Variants in LDB2 observed in about 807,000 individuals in gnomAD.
The protein encoded by LDB2 is LIM domain binding 2.
A neutral mutation model predicts 44.3 loss-of-function variants in LDB2; 12 were observed. The observed-to-expected ratio is 0.27, with a 90% CI of 0.17 to 0.44. LDB2 has a LOEUF of 0.44. Among genes scored for constraint, LDB2 ranks in the 20% least tolerant of loss-of-function variants. The pLI, the probability that LDB2 is intolerant of heterozygous loss-of-function variation, is 1.00. For missense variants in LDB2, 344 were observed against 473.5 expected (o/e 0.73, Z 2.54); for synonymous variants, 164 against 174.8 (o/e 0.94, Z 0.49).
chr4:16,669,186 G>A (rs910346698), intron 2 of LDB2, among the ~76,000 whole-genome samples: 8 of 152,214 alleles, frequency 5.3e-5, no homozygotes, highest in Non-Finnish European at 5.9e-5. Context: ...ATGTGGAACT[G>A]AAGGTCAGAA....
intron 1 of LDB2, among the ~76,000 whole-genome samples, chr4:16,820,855 T>C (rs1781821226): frequency 6.6e-6 from 1 of 152,216 alleles, no homozygotes; most frequent in Non-Finnish European, 1.5e-5. Flanking sequence ...AAAGTCACTT[T>C]AGGACAAAGA....
chr4:16,714,769 C>G (rs747232679), intron 2 of LDB2, among the ~76,000 whole-genome samples: 1 of 151,972 alleles, frequency 6.6e-6, no homozygotes, highest in Non-Finnish European at 1.5e-5. Context: ...TGCTGGTAAC[C>G]CTTGGAGTTC....
At chr4:16,641,222 A>G (rs1280060719) in intron 2 of LDB2, among the ~76,000 whole-genome samples, 1 of 152,184 alleles carries the variant, frequency 6.6e-6, no homozygotes. Context: ...TTATTTCAGG[A>G]GACGGCAGGT....
chr4:16,513,119 C>T (rs1268889005), intron 5 of LDB2, among the ~76,000 whole-genome samples: 1 of 152,012 alleles, frequency 6.6e-6, no homozygotes, highest in African/African-American at 2.4e-5. Context: ...CCTTATTAGC[C>T]CCTCCTCTTA....
At chr4:16,738,387 G>A (rs898151197) in intron 2 of LDB2, among the ~76,000 whole-genome samples, 2 of 152,186 alleles carry the variant, frequency 1.3e-5, no homozygotes, top group African/African-American at 2.4e-5. Context: ...AGAGAAACAG[G>A]AAGAGGAGGA....
chr4:16,803,294 T>C (rs1380245019), intron 1 of LDB2, among the ~76,000 whole-genome samples: 2 of 152,146 alleles, frequency 1.3e-5, no homozygotes, highest in Non-Finnish European at 2.9e-5. Context: ...AAGTCATCAG[T>C]TTTTGGGGAA....
chr4:16,807,384 G>A (rs951563051), intron 1 of LDB2, among the ~76,000 whole-genome samples: 21 of 152,246 alleles, frequency 1.4e-4, no homozygotes, highest in Middle Eastern at 3.4e-3. Context: ...GCTAAAAATA[G>A]CCTATAAACA....
chr4:16,552,041 G>A lies in LDB2; in HGVS notation c.615+33881C>T, dbSNP rs374084099. Among the ~76,000 whole-genome samples the A allele has an allele frequency of 3.3e-5, 5 of 151,940 alleles. No individual in the cohort carries two copies. In the East Asian group the frequency reaches 9.7e-4, roughly 29 times the overall value. On this transcript the variant is annotated intron_variant, in intron 5 of 7. Transcript: ENST00000304523. ...ATTTGCTGAGCCTCTACTATTTGTA[G>A]GCTGTCTTCTAGGTCCCGGGGGTAG...
chr4:16,849,967 C>G (rs918326852), intron 1 of LDB2, among the ~76,000 whole-genome samples: 1 of 152,112 alleles, frequency 6.6e-6, no homozygotes, highest in Non-Finnish European at 1.5e-5. Flanking sequence ...TTTAACAATC[C>G]CCAGGAAGGT....
At chr4:16,681,132 C>A (rs772756917) in intron 2 of LDB2, among the ~76,000 whole-genome samples, 2 of 152,068 alleles carry the variant, frequency 1.3e-5, no homozygotes, top group Non-Finnish European at 2.9e-5. Context: ...TTAAAGTGAC[C>A]AATTACATGA....
intron 2 of LDB2, among the ~76,000 whole-genome samples, chr4:16,664,221 G>T (rs1490412126): frequency 2.0e-5 from 3 of 152,180 alleles, no homozygotes; most frequent in Non-Finnish European, 2.9e-5. Flanking sequence ...TCACAAAGCT[G>T]CATTGCCTCT....
chr4:16,891,381 C>T (rs375411633), intron 1 of LDB2, among the ~76,000 whole-genome samples: 2 of 136,836 alleles, frequency 1.5e-5, no homozygotes, highest in African/African-American at 2.8e-5. Context: ...GGGACAATCT[C>T]GGCTCACTGC....
At chr4:16,689,201 A>G (rs1320883160) in intron 2 of LDB2, among the ~76,000 whole-genome samples, 1 of 152,218 alleles carries the variant, frequency 6.6e-6, no homozygotes, top group African/African-American at 2.4e-5. Flanking sequence ...CACCGAGGGT[A>G]CAAAGCTGAT....
chr4:16,774,456 T>G (rs940502293), intron 1 of LDB2, among the ~76,000 whole-genome samples: 1 of 152,236 alleles, frequency 6.6e-6, no homozygotes, highest in Non-Finnish European at 1.5e-5. Flanking sequence ...GCAATTAGAC[T>G]GTGCACTGCA....
At chr4:16,558,924 G>C (rs1020255131) in intron 5 of LDB2, among the ~76,000 whole-genome samples, 10 of 152,154 alleles carry the variant, frequency 6.6e-5, no homozygotes, top group Non-Finnish European at 1.2e-4. Context: ...TTAAAGAAAA[G>C]AATTTTCAAC....
Position 16,595,824 on chromosome 4 carries a change from C to A in LDB2, c.287G>T (p.Gly96Val). 1 of 1,613,568 alleles carries A rather than the reference C, an allele frequency of 6.2e-7. No homozygotes were observed. Among genetic ancestry groups the A allele is most frequent in the Non-Finnish European group, 8.5e-7 (1 of 1,179,790 alleles). The change falls in exon 3 of 8, where the codon GGG becomes GTG. Residue 96 changes from glycine (G) to valine (V), a missense_variant. Physicochemically the swap from Gly to Val is moderately radical, Grantham distance 109. Transcript: ENST00000304523. Reference protein sequence around the residue: ...PRYFSTVFEGGVTDLYYILKH... With the variant: ...PRYFSTVFEGVVTDLYYILKH... ...GAGAATGTAATACAGGTCGGTCACC[C>A]CTCCTTCAAACACAGTGCTAAAGTA...
At chr4:16,699,749 A>T (rs1172156342) in intron 2 of LDB2, among the ~76,000 whole-genome samples, 1 of 152,224 alleles carries the variant, frequency 6.6e-6, no homozygotes, top group Non-Finnish European at 1.5e-5. Context: ...TTATAGCTCA[A>T]AGAAAAACTT....
chr4:16,889,706 A>G (rs1040087074), intron 1 of LDB2, among the ~76,000 whole-genome samples: 9 of 152,210 alleles, frequency 5.9e-5, no homozygotes, highest in African/African-American at 1.7e-4. Context: ...GGCACTGGGG[A>G]TGCAATGATG....
intron 2 of LDB2, among the ~76,000 whole-genome samples, chr4:16,707,151 A>C (rs1754787740): frequency 6.6e-6 from 1 of 152,208 alleles, no homozygotes; most frequent in Non-Finnish European, 1.5e-5. Flanking sequence ...AAAAAAATTG[A>C]TGAAATAAAA....
Sources: gnomAD v4.1 joint callset for allele counts (sites outside exome capture counted in the v4.1 genomes callset) on GRCh38, gnomAD v4.1.1 for gene constraint, MANE v1.5 for transcripts, NCBI Gene and HGNC (gene_info 2026-07-23, HGNC 2026-07-21) for gene names.